CTNNA2: variants seen among roughly 807,000 people sequenced by gnomAD.
The protein encoded by CTNNA2 is catenin alpha 2, also known as catenin alpha-2.
A neutral mutation model predicts 101.0 loss-of-function variants in CTNNA2; 42 were observed. The ratio of observed to expected loss-of-function variants is 0.42; its 90% CI spans 0.32 to 0.54. The LOEUF (loss-of-function observed/expected upper bound fraction) is 0.54. Ranked by LOEUF, CTNNA2 falls within the 20% of genes least tolerant of loss-of-function variation. CTNNA2 has a pLI of 0.14. For synonymous variants in CTNNA2, 450 were observed against 456.4 expected, an observed-to-expected ratio of 0.99 and a Z score of 0.18; for missense variants, 871 against 1,223.1, an observed-to-expected ratio of 0.71 and a Z score of 4.29.
At chr2:79,327,966 A>T (rs535874237) in intron 3 of CTNNA2, among the ~76,000 whole-genome samples, 1 of 147,742 alleles carries the variant, frequency 6.8e-6, no homozygotes, top group Non-Finnish European at 1.5e-5. Flanking sequence ...TGCCCTGGGC[A>T]TGGGGTTGCG....
chr2:79,861,835 G>T (rs1280767878), intron 4 of CTNNA2, among the ~76,000 whole-genome samples: 1 of 152,184 alleles, frequency 6.6e-6, no homozygotes, highest in Non-Finnish European at 1.5e-5. Context: ...TAAAGCTAAA[G>T]TAATCATTTA....
At chr2:79,815,617 A>ATG (rs1558954010) in intron 3 of CTNNA2, among the ~76,000 whole-genome samples, 1 of 152,068 alleles carries the variant, frequency 6.6e-6, no homozygotes, top group Non-Finnish European at 1.5e-5. Context: ...CCATTGGTCT[A>ATG]TGTGCCTATT....
intron 1 of CTNNA2, among the ~76,000 whole-genome samples, chr2:79,196,413 C>T (rs1378996880): frequency 6.6e-6 from 1 of 152,174 alleles, no homozygotes; most frequent in African/African-American, 2.4e-5. Flanking sequence ...ATATTGAGAT[C>T]TCTTTTACCC....
chr2:80,215,628 G>A (rs1051438728), intron 7 of CTNNA2, among the ~76,000 whole-genome samples: 4 of 152,206 alleles, frequency 2.6e-5, no homozygotes, highest in East Asian at 1.9e-4. Context: ...TGGAAGCTTC[G>A]TCTCAGAGGG....
rs745947461 is a variant in CTNNA2, at chr2:79,651,564, C to T, written c.8C>T (p.Ser3Leu). 20 of 1,613,540 alleles carry T rather than the reference C, an allele frequency of 1.2e-5. No individual in the cohort carries two copies. The South Asian group carries it at 1.4e-4, about 12-fold the overall frequency. The change falls in exon 2 of 19, where the codon TCG (serine) becomes TTG (leucine). Residue 3 changes from serine (S) to leucine (L), a missense_variant. Physicochemically the swap from Ser to Leu is moderately radical, Grantham distance 145. Transcript: ENST00000402739. ...TGTGTTCCCATAGGGAGCATGACTT[C>T]GGCAACTTCACCTATCATTCTGAAA... MT[S>L]ATSPIILKWD...
intron 9 of CTNNA2, among the ~76,000 whole-genome samples, chr2:80,507,513 G>A (rs911109727): frequency 6.6e-6 from 1 of 152,116 alleles, no homozygotes; most frequent in Non-Finnish European, 1.5e-5. Context: ...TTATATTTGT[G>A]TAATACCTTT....
intron 7 of CTNNA2, among the ~76,000 whole-genome samples, chr2:80,094,475 A>G (rs1241214287): frequency 1.3e-5 from 2 of 152,108 alleles, no homozygotes; most frequent in Non-Finnish European, 2.9e-5. Flanking sequence ...CTTAGGATTG[A>G]CTTGGCAATG....
chr2:80,189,325 G>A (rs1427741458), intron 7 of CTNNA2, among the ~76,000 whole-genome samples: 1 of 152,186 alleles, frequency 6.6e-6, no homozygotes, highest in Non-Finnish European at 1.5e-5. Context: ...TGCCAATGCT[G>A]AGTGCTGATT....
chr2:79,192,538 T>C (rs558957962), intron 1 of CTNNA2, among the ~76,000 whole-genome samples: 2 of 152,346 alleles, frequency 1.3e-5, no homozygotes, highest in East Asian at 3.9e-4. Context: ...TTGCCTATAG[T>C]TCCAGATGGC....
intron 7 of CTNNA2, among the ~76,000 whole-genome samples, chr2:80,058,639 A>G (rs1052257045): frequency 1.3e-5 from 2 of 152,304 alleles, no homozygotes; most frequent in African/African-American, 4.8e-5. Context: ...TGGCCAGAGA[A>G]GTAGGATCTT....
At position 79,255,258 on chromosome 2, in the gene CTNNA2, T is replaced by A. The variant is rs568246131; in HGVS notation, c.-406+57182T>A. ...AATAAGATTCAGCTAAGCATCATCA[T>A]CTATCAAAACCATGATTCTTGTTTA... On this transcript the variant is annotated intron_variant, in intron 2 of 21. Transcript: ENST00000466387. 6.6e-5 allele frequency among the ~76,000 whole-genome samples: 10 copies of A among 152,332 alleles called. No individual in the cohort carries two copies. The South Asian group carries it at 2.1e-3, about 32-fold the overall frequency.
intron 1 of CTNNA2, among the ~76,000 whole-genome samples, chr2:79,603,374 A>T (rs1677672627): frequency 6.6e-6 from 1 of 152,202 alleles, no homozygotes; most frequent in South Asian, 2.1e-4. Context: ...TTAGACTATA[A>T]AGGGGAAAAT....
intron 1 of CTNNA2, among the ~76,000 whole-genome samples, chr2:79,563,904 G>T (rs1263675463): frequency 1.3e-5 from 2 of 152,128 alleles, no homozygotes; most frequent in African/African-American, 4.8e-5. Flanking sequence ...ATGGTCCCAG[G>T]TTACATTGTT....
intron 7 of CTNNA2, among the ~76,000 whole-genome samples, chr2:80,016,504 C>G (rs1189121845): frequency 6.6e-6 from 1 of 152,118 alleles, no homozygotes; most frequent in Non-Finnish European, 1.5e-5. Flanking sequence ...TAATTAATGA[C>G]ACTTTAAGAA....
chr2:79,803,414 T>C (rs1676320593), intron 3 of CTNNA2, among the ~76,000 whole-genome samples: 1 of 152,228 alleles, frequency 6.6e-6, no homozygotes, highest in African/African-American at 2.4e-5. Context: ...ATTGTTTCTA[T>C]AGATATTTGA....
At chr2:79,748,843 T>G (rs1446436127) in intron 3 of CTNNA2, among the ~76,000 whole-genome samples, 1 of 152,092 alleles carries the variant, frequency 6.6e-6, no homozygotes, top group African/African-American at 2.4e-5. Context: ...CAGTAGAAGA[T>G]TTCCCTATAT....
intron 2 of CTNNA2, among the ~76,000 whole-genome samples, chr2:79,307,835 A>G (rs1378547496): frequency 2.0e-5 from 3 of 152,188 alleles, no homozygotes; most frequent in Non-Finnish European, 2.9e-5. Flanking sequence ...AATTCCTATG[A>G]ACAGTGTATG....
chr2:79,706,308 A>T (rs1236100004), intron 2 of CTNNA2, among the ~76,000 whole-genome samples: 2 of 146,274 alleles, frequency 1.4e-5, no homozygotes, highest in African/African-American at 5.1e-5. Context: ...GCTTGCAGTG[A>T]GCCGAGATCA....
At chr2:80,412,814 T>C (rs1679706114) in intron 8 of CTNNA2, among the ~76,000 whole-genome samples, 1 of 152,026 alleles carries the variant, frequency 6.6e-6, no homozygotes, top group South Asian at 2.1e-4. Context: ...TCGTCACCCT[T>C]TTCCTGGGAC....
Sources: gnomAD v4.1 joint callset for allele counts (sites outside exome capture counted in the v4.1 genomes callset) on GRCh38, gnomAD v4.1.1 for gene constraint, MANE v1.5 for transcripts, NCBI Gene and HGNC (gene_info 2026-07-23, HGNC 2026-07-21) for gene names.